Variants in DDX59 observed in about 807,000 individuals in gnomAD.
The protein encoded by DDX59 is probable ATP-dependent RNA helicase DDX59.
A neutral mutation model predicts 51.9 loss-of-function variants in DDX59; 30 were observed. That is an observed-to-expected ratio of 0.58 (90% CI 0.43 to 0.78). The LOEUF (loss-of-function observed/expected upper bound fraction) is 0.78. Ranked by LOEUF, DDX59 falls within the 30% of genes least tolerant of loss-of-function variation. The pLI, the probability that DDX59 is intolerant of heterozygous loss-of-function variation, is 0.00. For missense variants in DDX59, 672 were observed against 730.8 expected, an observed-to-expected ratio of 0.92 and a Z score of 0.93; for synonymous variants, 255 against 253.3, an observed-to-expected ratio of 1.01 and a Z score of -0.06.
rs1296627306 is a variant in DDX59 at position 200,645,406 on chromosome 1, T to C, written c.1597-889A>G. 2.0e-5 allele frequency among the ~76,000 whole-genome samples: 3 copies of C among 152,104 alleles called. No individual in the cohort carries two copies. In the East Asian group the frequency reaches 5.8e-4, roughly 29 times the overall value. On this transcript the variant is annotated intron_variant, in intron 7 of 7. Transcript: ENST00000331314. ...CAATTCTCTGCCTCAGCTTCCCAAG[T>C]AGCTGGGATTACAGGCACCCGCCAC...
chr1:200,641,076 C>T (rs898738830), downstream of DDX59: 10 of 890,496 alleles, frequency 1.1e-5, no homozygotes, highest in African/African-American at 3.5e-5. Flanking sequence ...CCTATCTGTC[C>T]GGAGTCAGTT....
intron 6 of DDX59, 23 bp from the exon 7 acceptor site, chr1:200,648,590 T>G (rs1159060422): frequency 1.3e-6 from 2 of 1,598,664 alleles, no homozygotes; most frequent in Non-Finnish European, 1.7e-6. Flanking sequence ...GCAACAAAAT[T>G]TATTATTCAG....
rs769670905 is a variant in DDX59 at position 200,649,071 on chromosome 1, A to G, written c.1467+3T>C. On this transcript the variant is annotated splice_donor_region_variant and intron_variant, in intron 6 of 7. Coordinates refer to ENST00000331314, the MANE Select transcript of DDX59 (RefSeq NM_001031725.6). ...ACAGAATATAGAATATTGGGTGTCAAACCTTCAATATGTTTTTCCTTTCTA... is the reference window on the plus strand; with the variant it reads ...ACAGAATATAGAATATTGGGTGTCAGACCTTCAATATGTTTTTCCTTTCTA... 3.9e-6 allele frequency: 6 copies of G among 1,554,562 alleles called. No individual in the cohort carries two copies. The South Asian group carries it at 7.4e-5, about 19-fold the overall frequency.
chr1:200,666,808 A>C (rs1662795828), intron 1 of DDX59, 57 bp from the exon 2 acceptor site: 1 of 1,523,368 alleles, frequency 6.6e-7, no homozygotes, highest in African/African-American at 1.4e-5. Context: ...TTCACATATA[A>C]AGTACCATAT....
intron 1 of DDX59, among the ~76,000 whole-genome samples, chr1:200,669,043 A>C (rs1384608600): frequency 2.0e-5 from 3 of 152,208 alleles, no homozygotes; most frequent in Admixed American, 1.3e-4. Context: ...GGACCTCCTG[A>C]GGACTGTCAC....
chr1:200,660,633 A>G lies in DDX59; in HGVS notation c.973-1517T>C, dbSNP rs543907248. Among the ~76,000 whole-genome samples the G allele has an allele frequency of 2.2e-3, 341 of 152,340 alleles. 1 individual carries two copies. The highest frequency in any genetic ancestry group is 7.6e-3 in the African/African-American group (314 of 41,578). ...TGAGTGGCAGGTTTCTGTCAGTTAC[A>G]AACATGAATGAATCCTGTTGCATTG... On this transcript the variant is annotated intron_variant, in intron 3 of 7. Transcript: ENST00000331314.
intron 4 of DDX59, among the ~76,000 whole-genome samples, chr1:200,656,966 C>G (rs915391197): frequency 3.3e-5 from 5 of 151,762 alleles, no homozygotes. Context: ...AATTACTTCT[C>G]AGGCCGGGTG....
intron 3 of DDX59, among the ~76,000 whole-genome samples, chr1:200,660,259 A>G (rs1017978356): frequency 6.6e-6 from 1 of 152,176 alleles, no homozygotes; most frequent in Non-Finnish European, 1.5e-5. Context: ...GTTCTCTTAC[A>G]TGGTGTACTG....
intron 7 of DDX59, among the ~76,000 whole-genome samples, chr1:200,647,116 A>G (rs1661339922): frequency 1.3e-5 from 2 of 152,228 alleles, no homozygotes; most frequent in Admixed American, 1.3e-4. Context: ...ACGGCGTTTC[A>G]GTGGGTGATT....
At chr1:200,667,863 T>A (rs1256283701) in intron 1 of DDX59, among the ~76,000 whole-genome samples, 1 of 151,572 alleles carries the variant, frequency 6.6e-6, no homozygotes, top group Non-Finnish European at 1.5e-5. Context: ...TTACATAGAG[T>A]AATATACACA....
chr1:200,664,690 T>C (rs1013685047), intron 2 of DDX59, among the ~76,000 whole-genome samples: 2 of 152,194 alleles, frequency 1.3e-5, no homozygotes, highest in Admixed American at 6.5e-5. Flanking sequence ...TTTTTTTTTT[T>C]TGAAAACGGA....
chr1:200,667,567 C>T (rs1480143706), intron 1 of DDX59, among the ~76,000 whole-genome samples: 2 of 152,106 alleles, frequency 1.3e-5, no homozygotes, highest in African/African-American at 2.4e-5. Flanking sequence ...GGTCTATTTC[C>T]GTTTACTGAT....
At position 200,667,032 on chromosome 1, in the gene DDX59, C is replaced by T. The variant is rs112460719; in HGVS notation, c.-11-281G>A. Among the ~76,000 whole-genome samples, 16,701 of 151,706 alleles carry T rather than the reference C, an allele frequency of 0.11. 1,374 individuals are homozygous for T. The highest frequency in any genetic ancestry group is 0.41 in the East Asian group (2,121 of 5,132). On this transcript the variant is annotated intron_variant, in intron 1 of 7. Transcript: ENST00000331314. ...CTGAGGCAGGAGAATCACTTGATCC[C>T]GGGGGGCAGAGATTGCAGTGAGCCG...
intron 5 of DDX59, among the ~76,000 whole-genome samples, 158 bp downstream of exon 5, chr1:200,650,267 T>G: frequency 6.6e-6 from 1 of 152,212 alleles, no homozygotes; most frequent in East Asian, 1.9e-4. Context: ...AAATAGCTAT[T>G]TATTTGATTC....
intron 3 of DDX59, among the ~76,000 whole-genome samples, chr1:200,659,964 G>A (rs2102900604): frequency 6.6e-6 from 1 of 152,272 alleles, no homozygotes; most frequent in South Asian, 2.1e-4. Flanking sequence ...GATTACAAGT[G>A]TAAGCTACTG....
intron 4 of DDX59, among the ~76,000 whole-genome samples, chr1:200,658,387 G>GA (rs369039483): frequency 2.3e-4 from 34 of 145,662 alleles, no homozygotes; most frequent in Middle Eastern, 7.1e-3. Flanking sequence ...TGTCCACATA[G>GA]AAAAAAAAAA....
At position 200,666,190 on chromosome 1, in the gene DDX59, T is replaced by TGG. The variant is rs1476597155; in HGVS notation, c.550_551insCC (p.Asn184ThrfsTer10). On this transcript the variant is annotated frameshift_variant, in exon 2 of 8. Coordinates refer to ENST00000331314, the MANE Select transcript of DDX59 (RefSeq NM_001031725.6). LOFTEE classifies it high-confidence loss of function. ...TAAAATTCCCAGCTGCTGTTTAAGA[T>TGG]TTTCAATCTGGTCTTCCTGAAGGTT... is the stretch of plus-strand genomic sequence containing the variant. 6.2e-7 allele frequency: 1 copy of TGG among 1,614,206 alleles called. No homozygotes were observed. Among genetic ancestry groups the TGG allele is most frequent in the South Asian group, 1.1e-5 (1 of 91,084 alleles).
At chr1:200,651,469 G>A (rs916727621) in intron 4 of DDX59, among the ~76,000 whole-genome samples, 2 of 152,154 alleles carry the variant, frequency 1.3e-5, no homozygotes, top group African/African-American at 4.8e-5. Flanking sequence ...AGAGGGTGCT[G>A]ATGCCATCTT....
intron 7 of DDX59, among the ~76,000 whole-genome samples, chr1:200,645,110 T>C (rs755222567): frequency 2.0e-5 from 3 of 152,110 alleles, no homozygotes; most frequent in Non-Finnish European, 2.9e-5. Flanking sequence ...GTTATACCTG[T>C]ATGGGTGGTG....
Sources: allele counts gnomAD v4.1 joint callset (sites outside exome capture counted in the v4.1 genomes callset), GRCh38; gene constraint gnomAD v4.1.1; transcripts MANE v1.5; gene names NCBI Gene and HGNC (gene_info 2026-07-23, HGNC 2026-07-21).